POLR3F: variants seen among roughly 807,000 people sequenced by gnomAD.
The protein encoded by POLR3F is RNA polymerase III subunit F.
A neutral mutation model predicts 43.6 loss-of-function variants in POLR3F; 31 were observed. The observed-to-expected ratio is 0.71, with a 90% CI of 0.53 to 0.96. POLR3F has a LOEUF of 0.96. Among genes scored for constraint, POLR3F ranks in the 40% least tolerant of loss-of-function variants. The pLI is 0.00. For missense variants in POLR3F, 316 were observed against 391.7 expected (o/e 0.81, Z 1.63); for synonymous variants, 114 against 132.5 (o/e 0.86, Z 0.96).
At chr20:18,469,554 G>A (rs984074473) in intron 2 of POLR3F, among the ~76,000 whole-genome samples, 12 of 152,142 alleles carry the variant, frequency 7.9e-5, no homozygotes, top group African/African-American at 2.9e-4. Context: ...AATAGCTTCT[G>A]ATGAATCTTT....
rs962078427 is a variant in POLR3F, at chr20:18,473,412, C to T, written c.270C>T (p.Asn90=). Residue 90 remains asparagine (N), a synonymous_variant, in exon 4 of 9, where the codon AAC becomes AAT. Transcript: ENST00000377603. ...QNAGKMKGSD[N]QEKLVYQIIE... ...ACAGTAAAATGAAGGGATCCGATAA[C>T]CAAGAAAAACTAGTATATCAAATCA... is the stretch of plus-strand genomic sequence containing the variant. 2.1e-6 allele frequency: 3 copies of T among 1,439,246 alleles called. No individual in the cohort carries two copies. Among genetic ancestry groups the T allele is most frequent in the Non-Finnish European group, 2.9e-6 (3 of 1,022,384 alleles). The allele number at this position is 1,439,246 out of a possible 1,614,324, so 89.2% of individuals were successfully genotyped here.
intron 5 of POLR3F, among the ~76,000 whole-genome samples, 165 bp from the exon 6 acceptor site, chr20:18,479,873 A>G (rs1342627160): frequency 6.6e-6 from 1 of 152,244 alleles, no homozygotes; most frequent in Non-Finnish European, 1.5e-5. Flanking sequence ...GTACCACACT[A>G]ATCCAAGATG....
chr20:18,470,322 A>G (rs1490150137), intron 2 of POLR3F, among the ~76,000 whole-genome samples: 1 of 152,002 alleles, frequency 6.6e-6, no homozygotes, highest in East Asian at 1.9e-4. Context: ...TTTCCCATCA[A>G]TTTTCTAGCT....
chr20:18,468,341 C>T (rs962656513), intron 1 of POLR3F, among the ~76,000 whole-genome samples: 2 of 152,216 alleles, frequency 1.3e-5, no homozygotes, highest in African/African-American at 4.8e-5. Context: ...TCCCAAAGTG[C>T]TGGGATTACA....
In POLR3F at chr20:18,475,137, C is replaced by A; in HGVS notation, c.379C>A (p.Leu127Met). ...GCCATTAACAGAAATCAACAAAATT[C>A]TGAAGAATCTGGAAAGTAAAAAGCT... is the stretch of plus-strand genomic sequence containing the variant. ...NLPLTEINKI[L>M]KNLESKKLIK... The change falls in exon 5 of 9, where the codon CTG (leucine) becomes ATG (methionine). Residue 127 changes from leucine (L) to methionine (M), a missense_variant. Around this residue, in one of 3 missense-constraint regions of POLR3F, gnomAD observed 109 missense variants for 177.7 expected, o/e 0.61. Coordinates refer to ENST00000377603, the MANE Select transcript of POLR3F (RefSeq NM_006466.4). 5.1e-6 allele frequency: 8 copies of A among 1,553,934 alleles called. No homozygotes were observed. The highest frequency in any genetic ancestry group is 2.2e-5 in the South Asian group (2 of 89,580).
At position 18,483,972 on chromosome 20, in the gene POLR3F, TACC is replaced by T. The variant is rs2059824349; in HGVS notation, c.*419_*421del. ...AAGTTTTTTTTTATATCTGGTTCAC[TACC>T]ACCATTTTCTGTTTCCTACTTTCTC... is the stretch of plus-strand genomic sequence containing the variant. On this transcript the variant is annotated 3_prime_UTR_variant, in exon 9 of 9. Coordinates refer to ENST00000377603, the MANE Select transcript of POLR3F (RefSeq NM_006466.4). The T allele has an allele frequency of 2.5e-6, 1 of 397,350 alleles. No homozygotes were observed. Among genetic ancestry groups the T allele is most frequent in the African/African-American group, 2.1e-5 (1 of 48,618 alleles). The allele number at this position is 397,350 out of a possible 1,614,324, so 24.6% of individuals were successfully genotyped here.
rs1198290196 is a variant in POLR3F at position 18,480,043 on chromosome 20, A to T, written c.435A>T (p.Ser145=). The T allele has an allele frequency of 3.1e-6, 5 of 1,597,298 alleles. No homozygotes were observed. The highest frequency in any genetic ancestry group is 4.3e-6 in the Non-Finnish European group (5 of 1,174,210). The change falls in exon 6 of 9, where the codon TCA becomes TCT. Residue 145 remains serine (S), a synonymous_variant. Transcript: ENST00000377603. ...CTGTGCATGTTCTTTCCTAGGCCTC[A>T]AAAAAGAAGGTGTATATGCTCTATA... ...LIKAVKSVAA[S]KKKVYMLYNL... is the part of the protein sequence containing the mutation.
chr20:18,484,357 C>A lies in POLR3F; in HGVS notation c.*799C>A, dbSNP rs5867. ...TGCAGTAGACTGAATGTTTGTGTGC[C>A]CCCAGAATTCTAATGTTGAAATCTC... On this transcript the variant is annotated 3_prime_UTR_variant, in exon 9 of 9. Transcript: ENST00000377603. 0.71 allele frequency: 273,779 copies of A among 383,724 alleles called. 101,477 individuals are homozygous for A. The highest frequency in any genetic ancestry group is 0.8 in the Non-Finnish European group (174,136 of 217,396). 23.8% of individuals were successfully genotyped at this position (383,724 alleles called of 1,614,324 possible).
chr20:18,475,243 C>A, intron 5 of POLR3F, 56 bp downstream of exon 5: 1 of 701,218 alleles, frequency 1.4e-6, no homozygotes, highest in Non-Finnish European at 2.5e-6. Flanking sequence ...AGTTTTTATT[C>A]TTGAAGTTAT....
chr20:18,483,341 C>T (rs1049494602), intron 8 of POLR3F, 140 bp from the exon 9 acceptor site: 13 of 451,130 alleles, frequency 2.9e-5, no homozygotes, highest in Non-Finnish European at 4.6e-5. Context: ...CCACTGCGTC[C>T]GGCTATAATA....
chr20:18,467,605 G>T (rs1384689531), intron 1 of POLR3F, 37 bp downstream of exon 1: 1 of 1,614,066 alleles, frequency 6.2e-7, no homozygotes, highest in East Asian at 2.2e-5. Context: ...ACTCCATCAG[G>T]CGCCCAGTCA....
intron 5 of POLR3F, among the ~76,000 whole-genome samples, chr20:18,477,773 T>TGGTGAGGGCAG (rs1432115762): frequency 1.3e-5 from 2 of 151,958 alleles, no homozygotes; most frequent in African/African-American, 2.4e-5. Context: ...AGGGCAGGGA[T>TGGTGAGGGCAG]GGTAGGGAAA....
intron 3 of POLR3F, 192 bp downstream of exon 3, chr20:18,473,101 T>C: frequency 2.7e-6 from 1 of 366,474 alleles, no homozygotes; most frequent in Admixed American, 4.4e-5. Flanking sequence ...TATATATAAA[T>C]ACACATAGAT....
chr20:18,473,565 A>T, intron 4 of POLR3F, 107 bp downstream of exon 4: 1 of 560,938 alleles, frequency 1.8e-6, no homozygotes, highest in South Asian at 2.3e-5. Context: ...GAGTATACTG[A>T]GGAAGGTAAT....
At position 18,470,903 on chromosome 20, in the gene POLR3F, A is replaced by G. The variant is rs557918308; in HGVS notation, c.180+1842A>G. The stretch of plus-strand genomic sequence containing the variant: ...TGCTGTCCACACCCCCTCCATTTCT[A>G]TCCCTGGTACTGCATCATGTTCAGG... On this transcript the variant is annotated intron_variant, in intron 2 of 8. Coordinates refer to ENST00000377603, the MANE Select transcript of POLR3F (RefSeq NM_006466.4). Among the ~76,000 whole-genome samples the G allele has an allele frequency of 1.1e-4, 16 of 152,306 alleles. 1 individual carries two copies. In the South Asian group the frequency reaches 1.2e-3, roughly 12 times the overall value.
At chr20:18,480,010 C>T (rs1442802525) in intron 5 of POLR3F, 28 bp from the exon 6 acceptor site, 7 of 1,553,554 alleles carry the variant, frequency 4.5e-6, no homozygotes, top group Non-Finnish European at 6.1e-6. Context: ...ATCTTATAAA[C>T]ACATGAACTG....
In POLR3F at chr20:18,480,039, C is replaced by T; in HGVS notation, c.431C>T (p.Ala144Val). ...KLIKAVKSVA[A>V]SKKKVYMLYN... ...TGAACTGTGCATGTTCTTTCCTAGG[C>T]CTCAAAAAAGAAGGTGTATATGCTC... Residue 144 changes from alanine (A) to valine (V), a missense_variant and splice_region_variant, in exon 6 of 9, where the codon GCC becomes GTC. Coordinates refer to ENST00000377603, the MANE Select transcript of POLR3F (RefSeq NM_006466.4). The T allele has an allele frequency of 6.3e-7, 1 of 1,596,672 alleles. No individual in the cohort carries two copies. Among genetic ancestry groups the T allele is most frequent in the Non-Finnish European group, 8.5e-7 (1 of 1,173,920 alleles).
intron 5 of POLR3F, 34 bp downstream of exon 5, chr20:18,475,221 T>C (rs2059773730): frequency 1.3e-6 from 1 of 790,198 alleles, no homozygotes; most frequent in Non-Finnish European, 2.2e-6. Flanking sequence ...CCCACTTACA[T>C]ATGTTGCTTC....
In POLR3F at chr20:18,475,154, TA is replaced by T. The variant is rs2059773390; in HGVS notation, c.401del (p.Lys134SerfsTer9). On this transcript the variant is annotated frameshift_variant, in exon 5 of 9. Transcript: ENST00000377603. LOFTEE classifies it high-confidence loss of function. ...INKILKNLES[K>X]KLIKAVKSVA... ...ACAAAATTCTGAAGAATCTGGAAAG[TA>T]AAAAGCTTATCAAAGCTGTTAAGTC... is the stretch of plus-strand genomic sequence containing the variant. 6.6e-6 allele frequency: 10 copies of T among 1,519,054 alleles called. No homozygotes were observed. Among genetic ancestry groups the T allele is most frequent in the Non-Finnish European group, 9.1e-6 (10 of 1,094,806 alleles). The allele number at this position is 1,519,054 out of a possible 1,614,324, so 94.1% of individuals were successfully genotyped here. A position where few individuals can be genotyped will look rare whatever the true frequency, so the allele number is the denominator to read the frequency against.
Sources: allele counts gnomAD v4.1 joint callset (sites outside exome capture counted in the v4.1 genomes callset), GRCh38; gene constraint gnomAD v4.1.1; regional missense constraint gnomAD v4.1.1; transcripts MANE v1.5; gene names NCBI Gene and HGNC (gene_info 2026-07-23, HGNC 2026-07-21).